The following SATB1 variants were observed in gnomAD, a reference collection of about 807,000 sequenced individuals.
The protein encoded by SATB1 is DNA-binding protein SATB1.
Under a neutral mutation model 86.9 loss-of-function variants are expected in SATB1, and 11 were observed. The observed-to-expected ratio is 0.13, with a 90% CI of 0.08 to 0.21. The LOEUF is 0.21. SATB1 is among the 10% of genes least tolerant of loss of function. The probability of loss-of-function intolerance (pLI) is 1.00; values close to 1 mark genes in which losing one functional copy is unlikely to be tolerated. For synonymous variants in SATB1, 357 were observed against 357.2 expected, an observed-to-expected ratio of 1.00 and a Z score of 0.01; for missense variants, 551 against 937.6, an observed-to-expected ratio of 0.59 and a Z score of 5.39.
intron 8 of SATB1, among the ~76,000 whole-genome samples, chr3:18,383,540 T>C (rs1326105674): frequency 6.6e-6 from 1 of 152,178 alleles, no homozygotes; most frequent in African/African-American, 2.4e-5. Context: ...TGTCTCAAAA[T>C]ATGTTTCAAA....
intron 2 of SATB1, among the ~76,000 whole-genome samples, chr3:18,436,155 T>A (rs1207099933): frequency 6.6e-6 from 1 of 152,198 alleles, no homozygotes; most frequent in East Asian, 1.9e-4. Context: ...ACTCCAAATC[T>A]TAGAGTACTT....
intron 1 of SATB1, chr3:18,445,512 C>T: frequency 4.1e-6 from 4 of 985,552 alleles, no homozygotes; most frequent in Non-Finnish European, 4.8e-6. Context: ...AACCCTGCCC[C>T]CTCACCTCTC....
At chr3:18,354,395 C>T (rs1330829282) in intron 9 of SATB1, among the ~76,000 whole-genome samples, 3 of 152,108 alleles carry the variant, frequency 2.0e-5, no homozygotes, top group African/African-American at 7.2e-5. Context: ...TCATAATTGA[C>T]AGAACCCCTC....
chr3:18,404,566 A>G (rs1019054562), intron 5 of SATB1, among the ~76,000 whole-genome samples: 1 of 152,042 alleles, frequency 6.6e-6, no homozygotes, highest in Admixed American at 6.6e-5. Flanking sequence ...TAATTTTCCT[A>G]CTATATTTCC....
intron 2 of SATB1, chr3:18,434,811 C>T (rs1030873353): frequency 6.6e-6 from 1 of 151,770 alleles, no homozygotes; most frequent in Admixed American, 6.6e-5. Flanking sequence ...AAATTTCTCA[C>T]ATGCTACGTT....
intron 5 of SATB1, among the ~76,000 whole-genome samples, chr3:18,413,280 T>C (rs1157770841): frequency 6.6e-6 from 1 of 152,106 alleles, no homozygotes; most frequent in African/African-American, 2.4e-5. Flanking sequence ...GTAGAGTTTA[T>C]TGGCTGAATG....
intron 5 of SATB1, among the ~76,000 whole-genome samples, chr3:18,403,654 A>T (rs576610104): frequency 1.2e-3 from 190 of 152,048 alleles, no homozygotes; most frequent in Non-Finnish European, 1.9e-3. Flanking sequence ...ATGTGTATTT[A>T]AAAAAAACCT....
intron 5 of SATB1, chr3:18,410,896 A>C (rs1006808848): frequency 3.9e-5 from 15 of 385,560 alleles, no homozygotes; most frequent in African/African-American, 3.1e-4. Flanking sequence ...ACTGAACATC[A>C]ACTAAACACC....
At chr3:18,417,411 T>A (rs1698173264) in intron 2 of SATB1, 1 of 559,934 alleles carries the variant, frequency 1.8e-6, no homozygotes, top group Admixed American at 3.6e-5. Flanking sequence ...TAAATGTATC[T>A]TCTCTAATTT....
Position 18,416,984 on chromosome 3 carries a change from T to C in SATB1, c.306A>G (p.Arg102=), listed in dbSNP as rs1698146915. The C allele has an allele frequency of 6.2e-7, 1 of 1,613,706 alleles. No homozygotes were observed. The highest frequency in any genetic ancestry group is 8.5e-7 in the Non-Finnish European group (1 of 1,179,734). The change falls in exon 3 of 11, where the codon AGA becomes AGG. Residue 102 remains arginine, a synonymous_variant. Coordinates refer to ENST00000338745, the MANE Select transcript of SATB1 (RefSeq NM_002971.6). ...TCAGCTGGTTGAAAAGCATATCCTT[T>C]CTCACCAGCACAAATTCTGCATGCT... ...KEEHAEFVLV[R]KDMLFNQLIE...
In SATB1 at chr3:18,444,908, C is replaced by CGGGGGGGGGAGAAGGGGGAG. The variant is rs1699342660; in HGVS notation, c.-25+590_-25+609dup. On this transcript the variant is annotated intron_variant, in intron 1 of 3. Coordinates refer to the SATB1 transcript ENST00000415069. The surrounding 1 kb of genome is among the most constrained non-coding windows in gnomAD (Gnocchi z 5.1). ...GGGGGAGGGAGGAGATGTTAACGGG[C>CGGGGGGGGGAGAAGGGGGAG]GGGGGGGGGAGAAGGGGGAGGGGGC... The CGGGGGGGGGAGAAGGGGGAG allele has an allele frequency of 4.3e-5, 1 of 23,072 alleles. No individual in the cohort carries two copies. The highest frequency in any genetic ancestry group is 8.9e-5 in the Non-Finnish European group (1 of 11,178). The allele number at this position is 23,072 out of a possible 1,614,324, so 1.4% of individuals were successfully genotyped here. A position where few individuals can be genotyped will look rare whatever the true frequency, so the allele number is the denominator to read the frequency against.
At chr3:18,383,210 T>C (rs909142535) in intron 8 of SATB1, among the ~76,000 whole-genome samples, 3 of 152,232 alleles carry the variant, frequency 2.0e-5, no homozygotes, top group Non-Finnish European at 2.9e-5. Flanking sequence ...GCATCTCACC[T>C]GGACTGGGCC....
chr3:18,438,524 T>A (rs1699146594), intron 1 of SATB1: 1 of 152,240 alleles, frequency 6.6e-6, no homozygotes, highest in South Asian at 2.1e-4. Flanking sequence ...GGAGTCCTGA[T>A]TCTCCACATG....
intron 2 of SATB1, among the ~76,000 whole-genome samples, chr3:18,433,126 A>C (rs1466298438): frequency 1.3e-5 from 2 of 152,218 alleles, no homozygotes; most frequent in African/African-American, 4.8e-5. Context: ...ATTCAATACA[A>C]TATCTTAGCC....
At chr3:18,381,543 G>T (rs9822484) in intron 8 of SATB1, among the ~76,000 whole-genome samples, 92,503 of 151,458 alleles carry the variant, frequency 0.61, 28,778 homozygotes, top group East Asian at 0.93. Context: ...TGTTGGTGGA[G>T]CAATGCTGAG....
rs187636125 is a variant in SATB1, at chr3:18,385,861, G to A, written c.1419+538C>T. 2.0e-5 allele frequency among the ~76,000 whole-genome samples: 3 copies of A among 152,078 alleles called. No homozygotes were observed. In the East Asian group the frequency reaches 5.8e-4, roughly 29 times the overall value. On this transcript the variant is annotated intron_variant, in intron 8 of 10. Transcript: ENST00000338745. ...ATTTTAAGAAAGAGAAAACATGCCC[G>A]TATCTTGGAGTATGGATAGAATTCC...
Position 18,345,840 on chromosome 3 carries a change from A to AAT in SATB1, c.*3328_*3329dup, listed in dbSNP as rs1246426603. The AAT allele has an allele frequency of 2.6e-5, 4 of 152,102 alleles. No individual in the cohort carries two copies. Among genetic ancestry groups the AAT allele is most frequent in the African/African-American group, 9.7e-5 (4 of 41,444 alleles). 9.4% of individuals were successfully genotyped at this position (152,102 alleles called of 1,614,324 possible). A position where few individuals can be genotyped will look rare whatever the true frequency, so the allele number is the denominator to read the frequency against. ...TCTCATTTATTGAGAATATTGTGAC[A>AAT]ATCAAAGACCTTAATATCAGCCAGA... On this transcript the variant is annotated 3_prime_UTR_variant, in exon 11 of 11. Transcript: ENST00000338745.
chr3:18,381,314 C>T (rs1298532600), intron 8 of SATB1, among the ~76,000 whole-genome samples: 1 of 152,112 alleles, frequency 6.6e-6, no homozygotes, highest in Non-Finnish European at 1.5e-5. Flanking sequence ...TGAAGAATTG[C>T]CTGCAAGCAC....
intron 9 of SATB1, among the ~76,000 whole-genome samples, chr3:18,364,408 T>C (rs1433161194): frequency 6.6e-6 from 1 of 152,158 alleles, no homozygotes; most frequent in Non-Finnish European, 1.5e-5. Flanking sequence ...GTGATGGGCA[T>C]AAATGATATT....
Sources: gnomAD v4.1 joint callset for allele counts (sites outside exome capture counted in the v4.1 genomes callset) on GRCh38, gnomAD v4.1.1 for gene constraint, Gnocchi (gnomAD v3.1) non-coding constraint, MANE v1.5 for transcripts, NCBI Gene and HGNC (gene_info 2026-07-23, HGNC 2026-07-21) for gene names.